ST6GALNAC3: variants seen among roughly 807,000 people sequenced by gnomAD.
The protein encoded by ST6GALNAC3 is ST6 N-acetylgalactosaminide alpha-2,6-sialyltransferase 3.
A neutral mutation model predicts 32.7 loss-of-function variants in ST6GALNAC3; 25 were observed. The observed-to-expected ratio is 0.76, with a 90% CI of 0.56 to 1.07. The LOEUF is 1.07. Ranked by LOEUF, ST6GALNAC3 falls within the 50% of genes least tolerant of loss-of-function variation. The pLI, the probability that ST6GALNAC3 is intolerant of heterozygous loss-of-function variation, is 0.00. For missense variants in ST6GALNAC3, 355 were observed against 382.4 expected (o/e 0.93, Z 0.60); for synonymous variants, 129 against 133.1 (o/e 0.97, Z 0.21).
intron 1 of ST6GALNAC3, among the ~76,000 whole-genome samples, chr1:76,118,598 A>G (rs1648643730): frequency 6.6e-6 from 1 of 152,196 alleles, no homozygotes; most frequent in African/African-American, 2.4e-5. Flanking sequence ...TCAAGTGCAG[A>G]TGACCTAGGG....
chr1:76,381,769 G>T (rs942176170), intron 2 of ST6GALNAC3, among the ~76,000 whole-genome samples: 1 of 152,150 alleles, frequency 6.6e-6, no homozygotes, highest in Non-Finnish European at 1.5e-5. Context: ...GAAAATTCAT[G>T]TTCAGGGATA....
At chr1:76,533,373 A>G (rs1239010373) in intron 3 of ST6GALNAC3, among the ~76,000 whole-genome samples, 1 of 152,082 alleles carries the variant, frequency 6.6e-6, no homozygotes, top group Non-Finnish European at 1.5e-5. Flanking sequence ...TTATCCATAC[A>G]CATGTGAACG....
At chr1:76,607,153 T>A (rs184996064) in intron 3 of ST6GALNAC3, among the ~76,000 whole-genome samples, 138 of 152,274 alleles carry the variant, frequency 9.1e-4, no homozygotes, top group African/African-American at 3.1e-3. Context: ...TGGTTTACTA[T>A]AAAGGATACA....
At chr1:76,435,991 A>G (rs1656115573) in intron 3 of ST6GALNAC3, among the ~76,000 whole-genome samples, 1 of 152,002 alleles carries the variant, frequency 6.6e-6, no homozygotes, top group South Asian at 2.1e-4. Context: ...CACTGCACCC[A>G]ATTTGTAGTC....
At chr1:76,495,156 T>C (rs1660774992) in intron 3 of ST6GALNAC3, among the ~76,000 whole-genome samples, 1 of 152,146 alleles carries the variant, frequency 6.6e-6, no homozygotes, top group South Asian at 2.1e-4. Context: ...CCCAGGATAA[T>C]GTTTGACCAA....
intron 1 of ST6GALNAC3, among the ~76,000 whole-genome samples, chr1:76,110,576 T>C (rs1401179327): frequency 2.6e-5 from 4 of 152,070 alleles, no homozygotes; most frequent in Non-Finnish European, 4.4e-5. Context: ...AATGAGTAGG[T>C]TGTATTAGGT....
At chr1:76,269,159 T>A (rs1378070209) in intron 1 of ST6GALNAC3, among the ~76,000 whole-genome samples, 4 of 152,188 alleles carry the variant, frequency 2.6e-5, no homozygotes, top group African/African-American at 9.7e-5. Flanking sequence ...GTGTGGTGGA[T>A]ACTGTGGGTC....
chr1:76,425,242 G>A (rs919624548), intron 3 of ST6GALNAC3, among the ~76,000 whole-genome samples: 1 of 151,900 alleles, frequency 6.6e-6, no homozygotes, highest in African/African-American at 2.4e-5. Flanking sequence ...TCTAATGTCT[G>A]CCTTCTGTAT....
intron 3 of ST6GALNAC3, among the ~76,000 whole-genome samples, chr1:76,613,761 G>A (rs563273795): frequency 7.9e-5 from 12 of 152,284 alleles, no homozygotes; most frequent in Admixed American, 3.3e-4. Context: ...TTTGACTTCC[G>A]TCATGATTGT....
chr1:76,116,617 C>T (rs140566153), intron 1 of ST6GALNAC3, among the ~76,000 whole-genome samples: 1 of 152,184 alleles, frequency 6.6e-6, no homozygotes, highest in East Asian at 1.9e-4. Context: ...AAGAATGAAG[C>T]AAGACCACAG....
intron 2 of ST6GALNAC3, among the ~76,000 whole-genome samples, chr1:76,410,453 G>A (rs1162089278): frequency 6.6e-6 from 1 of 151,504 alleles, no homozygotes; most frequent in Admixed American, 6.6e-5. Context: ...ACACACACAC[G>A]TGCACACACA....
At chr1:76,205,934 C>A (rs1246503212) in intron 1 of ST6GALNAC3, among the ~76,000 whole-genome samples, 1 of 152,222 alleles carries the variant, frequency 6.6e-6, no homozygotes, top group Non-Finnish European at 1.5e-5. Context: ...CTTACCACAG[C>A]CAGCACTGTT....
chr1:76,237,884 A>G (rs1656747353), intron 1 of ST6GALNAC3, among the ~76,000 whole-genome samples: 1 of 152,194 alleles, frequency 6.6e-6, no homozygotes, highest in Admixed American at 6.5e-5. Context: ...CAAACTCTCC[A>G]CCTCACTTGC....
chr1:76,389,335 A>G (rs915688942), intron 2 of ST6GALNAC3, among the ~76,000 whole-genome samples: 3 of 152,164 alleles, frequency 2.0e-5, no homozygotes, highest in African/African-American at 4.8e-5. Flanking sequence ...GAGGCTGACC[A>G]TGACTGAGAT....
At chr1:76,536,312 G>T (rs1570155027) in intron 3 of ST6GALNAC3, among the ~76,000 whole-genome samples, 1 of 152,058 alleles carries the variant, frequency 6.6e-6, no homozygotes. Flanking sequence ...AATACCTGAG[G>T]CTGGGTAATT....
chr1:76,186,988 A>C (rs1653595623), intron 1 of ST6GALNAC3, among the ~76,000 whole-genome samples: 1 of 152,138 alleles, frequency 6.6e-6, no homozygotes, highest in African/African-American at 2.4e-5. Context: ...CTGCATATCC[A>C]TCCCTTCCTC....
chr1:76,312,392 A>T (rs1195792452), intron 1 of ST6GALNAC3, among the ~76,000 whole-genome samples: 1 of 152,198 alleles, frequency 6.6e-6, no homozygotes, highest in Non-Finnish European at 1.5e-5. Context: ...AAACACCAAA[A>T]GCAATGGCAA....
chr1:76,457,244 G>T (rs1328931885), intron 3 of ST6GALNAC3, among the ~76,000 whole-genome samples: 13 of 152,058 alleles, frequency 8.5e-5, no homozygotes, highest in Non-Finnish European at 1.8e-4. Context: ...CTCATGGATA[G>T]GAAGAATCAA....
intron 1 of ST6GALNAC3, among the ~76,000 whole-genome samples, chr1:76,254,731 G>A (rs1045100461): frequency 1.3e-5 from 2 of 151,900 alleles, no homozygotes; most frequent in African/African-American, 4.8e-5. Context: ...CCCCTATAAT[G>A]TGTCAGAAAA....
Sources: gnomAD v4.1 joint callset for allele counts (sites outside exome capture counted in the v4.1 genomes callset) on GRCh38, gnomAD v4.1.1 for gene constraint, MANE v1.5 for transcripts, NCBI Gene and HGNC (gene_info 2026-07-23, HGNC 2026-07-21) for gene names.